Variants in ELOVL6 observed in about 807,000 individuals in gnomAD.
ELOVL6 encodes ELOVL fatty acid elongase 6.
In ELOVL6, 8 loss-of-function variants were observed where a neutral mutation model predicts 31.7. The observed-to-expected ratio is 0.25, with a 90% CI of 0.15 to 0.45. ELOVL6 has a LOEUF of 0.45. ELOVL6 is among the 20% of genes least tolerant of loss of function. The probability of loss-of-function intolerance (pLI) is 1.00; values close to 1 mark genes in which losing one functional copy is unlikely to be tolerated. For synonymous variants in ELOVL6, 101 were observed against 117.7 expected (o/e 0.86, Z 0.92); for missense variants, 126 against 326.4 (o/e 0.39, Z 4.73).
At chr4:110,072,106 T>C (rs2126227398) in intron 2 of ELOVL6, among the ~76,000 whole-genome samples, 1 of 152,246 alleles carries the variant, frequency 6.6e-6, no homozygotes, top group Middle Eastern at 3.4e-3. Flanking sequence ...CTGGAGCACC[T>C]AACTCCTAGC....
chr4:110,196,330 G>C (rs943045877), intron 1 of ELOVL6, among the ~76,000 whole-genome samples: 17 of 152,230 alleles, frequency 1.1e-4, no homozygotes, highest in Admixed American at 9.2e-4. Context: ...GGCCCGAACA[G>C]GCCGGCTGGA....
chr4:110,108,317 T>C (rs1423004478), intron 1 of ELOVL6, among the ~76,000 whole-genome samples: 2 of 152,220 alleles, frequency 1.3e-5, no homozygotes, highest in African/African-American at 2.4e-5. Flanking sequence ...CCAAGTTAAA[T>C]GAATATCTTC....
In ELOVL6 at chr4:110,083,742, T is replaced by C. The variant is rs11946777; in HGVS notation, c.221+21755A>G. ...AAGTAGTCAGGCACTTAAAAATATA[T>C]TGTGTCCCGCATTTCCAAAGATGAT... On this transcript the variant is annotated intron_variant, in intron 2 of 3. Transcript: ENST00000302274. 3.5e-3 allele frequency among the ~76,000 whole-genome samples: 522 copies of C among 150,812 alleles called. 15 individuals are homozygous for C. Among genetic ancestry groups the C allele is most frequent in the African/African-American group, 0.012 (505 of 40,670 alleles).
chr4:110,078,675 C>T (rs1033295104), intron 2 of ELOVL6, among the ~76,000 whole-genome samples: 15 of 152,202 alleles, frequency 9.9e-5, no homozygotes, highest in African/African-American at 3.4e-4. Flanking sequence ...GAAGAAACTG[C>T]ATCAACTAAT....
At chr4:110,124,603 G>A (rs917142609) in intron 1 of ELOVL6, among the ~76,000 whole-genome samples, 14 of 151,944 alleles carry the variant, frequency 9.2e-5, no homozygotes, top group African/African-American at 2.7e-4. Flanking sequence ...GCTAATGCAC[G>A]TGGGGCTTAA....
intron 1 of ELOVL6, among the ~76,000 whole-genome samples, chr4:110,131,966 AG>A (rs139039128): frequency 0.023 from 3,445 of 152,334 alleles, 101 homozygotes; most frequent in African/African-American, 0.071. Context: ...TGGCCAGAAA[AG>A]AATGGGGGAA....
At chr4:110,191,134 A>G (rs76467279) in intron 1 of ELOVL6, among the ~76,000 whole-genome samples, 2,890 of 152,208 alleles carry the variant, frequency 0.019, 94 homozygotes, top group African/African-American at 0.067. Flanking sequence ...AATACTTTTT[A>G]AAAAAGGACC....
intron 1 of ELOVL6, among the ~76,000 whole-genome samples, chr4:110,112,194 A>G (rs775000714): frequency 6.6e-6 from 1 of 152,176 alleles, no homozygotes; most frequent in Non-Finnish European, 1.5e-5. Context: ...GAAACTTGGT[A>G]TGCATTATTT....
chr4:110,084,050 T>TATATGCGATATATAACATACGCC (rs1560813743), intron 2 of ELOVL6, among the ~76,000 whole-genome samples: 1 of 62,794 alleles, frequency 1.6e-5, no homozygotes, highest in Non-Finnish European at 3.6e-5. Flanking sequence ...TAACACATGC[T>TATATGCGATATATAACATACGCC]ATATATGATA....
chr4:110,184,480 G>A lies in ELOVL6; in HGVS notation c.89+13767C>T, dbSNP rs186637867. ...GCACTGGACAAGGGCTGCTTCTAGA[G>A]GTAACATTAAGAAGGGAATTTGGTG... On this transcript the variant is annotated intron_variant, in intron 1 of 3. Transcript: ENST00000302274. Among the ~76,000 whole-genome samples the A allele has an allele frequency of 1.9e-3, 290 of 152,260 alleles. 2 individuals are homozygous for A. The highest frequency in any genetic ancestry group is 2.4e-3 in the Non-Finnish European group (161 of 68,026).
At chr4:110,070,808 G>A (rs937841561) in intron 2 of ELOVL6, among the ~76,000 whole-genome samples, 1 of 152,104 alleles carries the variant, frequency 6.6e-6, no homozygotes, top group Non-Finnish European at 1.5e-5. Context: ...CACCATGATT[G>A]TAAGTTTCCT....
At chr4:110,099,447 G>A (rs1224596110) in intron 2 of ELOVL6, among the ~76,000 whole-genome samples, 4 of 152,166 alleles carry the variant, frequency 2.6e-5, no homozygotes, top group Non-Finnish European at 5.9e-5. Context: ...AAAAACTGGT[G>A]GTTAATAGGC....
rs1224797953 is a variant in ELOVL6 at position 110,186,854 on chromosome 4, TAC to T, written c.89+11391_89+11392del. Among the ~76,000 whole-genome samples the T allele has an allele frequency of 3.6e-5, 5 of 138,390 alleles. 1 individual carries two copies. Among genetic ancestry groups the T allele is most frequent in the Admixed American group, 3.0e-4 (4 of 13,388 alleles). 90.8% of individuals were successfully genotyped at this position (138,390 alleles called of 152,430 possible). A position where few individuals can be genotyped will look rare whatever the true frequency, so the allele number is the denominator to read the frequency against. Reference sequence around the variant, plus strand: ...ATATATATATATATATTTATATATATACACACACAAATATATACATATATACA... The same window carrying T: ...ATATATATATATATATTTATATATATACACACAAATATATACATATATACA... On this transcript the variant is annotated intron_variant, in intron 1 of 3. Transcript: ENST00000302274.
At chr4:110,115,189 A>G (rs943278160) in intron 1 of ELOVL6, among the ~76,000 whole-genome samples, 1 of 152,168 alleles carries the variant, frequency 6.6e-6, no homozygotes, top group Non-Finnish European at 1.5e-5. Context: ...TGGGGAAGCA[A>G]TGAGAAAATA....
intron 2 of ELOVL6, among the ~76,000 whole-genome samples, chr4:110,064,994 C>G (rs1054734168): frequency 6.6e-6 from 1 of 152,192 alleles, no homozygotes; most frequent in Non-Finnish European, 1.5e-5. Context: ...TCAACACGTA[C>G]TTAACACACA....
chr4:110,161,913 C>T (rs1042768694), intron 1 of ELOVL6, among the ~76,000 whole-genome samples: 2 of 152,202 alleles, frequency 1.3e-5, no homozygotes, highest in Admixed American at 1.3e-4. Flanking sequence ...TCAGTGTTTG[C>T]GGTGACTTTA....
rs755602846 is a variant in ELOVL6, at chr4:110,166,265, T to C, written c.89+31982A>G. Among the ~76,000 whole-genome samples the C allele has an allele frequency of 2.6e-5, 4 of 152,308 alleles. 1 individual carries two copies. Among genetic ancestry groups the C allele is most frequent in the Middle Eastern group, 6.8e-3 (2 of 294 alleles). ...GGACCTTGGTTTGTTCTTAACTTAC[T>C]TGAGCAATAATGAGACATCACCTTT... is the stretch of plus-strand genomic sequence containing the variant. On this transcript the variant is annotated intron_variant, in intron 1 of 3. Transcript: ENST00000302274.
intron 1 of ELOVL6, among the ~76,000 whole-genome samples, chr4:110,158,573 CTA>C (rs1179125537): frequency 7.7e-6 from 1 of 130,540 alleles, no homozygotes; most frequent in African/African-American, 3.0e-5. Flanking sequence ...ATATATACAT[CTA>C]TATATATATG....
At chr4:110,127,406 C>CAAAAAAAAAAAAAA (rs572027886) in intron 1 of ELOVL6, among the ~76,000 whole-genome samples, 14 of 85,500 alleles carry the variant, frequency 1.6e-4, no homozygotes, top group Admixed American at 4.9e-4. Context: ...GATTCCGTCT[C>CAAAAAAAAAAAAAA]AAAAAAAAAA....
Sources: gnomAD v4.1 joint callset for allele counts (sites outside exome capture counted in the v4.1 genomes callset) on GRCh38, gnomAD v4.1.1 for gene constraint, MANE v1.5 for transcripts, NCBI Gene and HGNC (gene_info 2026-07-23, HGNC 2026-07-21) for gene names.